VPS13B: variants seen among roughly 807,000 people sequenced by gnomAD.
VPS13B encodes the protein vacuolar protein sorting 13 homolog B, also known as intermembrane lipid transfer protein VPS13B.
VPS13B carries 285 observed loss-of-function variants against 426.4 expected under a neutral mutation model. The observed-to-expected ratio is 0.67, with a 90% CI of 0.61 to 0.74. The LOEUF (loss-of-function observed/expected upper bound fraction) is 0.74, where lower values mean the gene tolerates loss of function less well. VPS13B is among the 30% of genes least tolerant of loss of function. The probability of loss-of-function intolerance (pLI) is 0.00; values close to 1 mark genes in which losing one functional copy is unlikely to be tolerated. For missense variants in VPS13B, 4,537 were observed against 4,782.6 expected, an observed-to-expected ratio of 0.95 and a Z score of 1.51; for synonymous variants, 1,676 against 1,676.4, an observed-to-expected ratio of 1.00 and a Z score of 0.01.
At chr8:99,232,218 CAGAG>C (rs554437361) in intron 17 of VPS13B, among the ~76,000 whole-genome samples, 3 of 151,900 alleles carry the variant, frequency 2.0e-5, no homozygotes, top group African/African-American at 4.8e-5. Context: ...GAGAGATAAA[CAGAG>C]AGAGAGATAG....
At chr8:99,387,670 T>C (rs897032891) in intron 20 of VPS13B, among the ~76,000 whole-genome samples, 2 of 152,128 alleles carry the variant, frequency 1.3e-5, no homozygotes, top group African/African-American at 4.8e-5. Flanking sequence ...ATCGAGAGAA[T>C]TGCATAGTTG....
At chr8:99,611,635 A>G (rs1441040456) in intron 33 of VPS13B, among the ~76,000 whole-genome samples, 1 of 151,864 alleles carries the variant, frequency 6.6e-6, no homozygotes, top group African/African-American at 2.4e-5. Flanking sequence ...TAATTTCACT[A>G]CCCTAAAACA....
intron 19 of VPS13B, among the ~76,000 whole-genome samples, chr8:99,382,503 T>C (rs997022763): frequency 6.6e-6 from 1 of 151,892 alleles, no homozygotes; most frequent in African/African-American, 2.4e-5. Context: ...TTTGAGCATG[T>C]TTTATAGTTC....
chr8:99,286,053 A>C (rs891277204), intron 19 of VPS13B, among the ~76,000 whole-genome samples: 11 of 151,808 alleles, frequency 7.2e-5, no homozygotes, highest in Admixed American at 5.9e-4. Flanking sequence ...TTCCCAATTA[A>C]TTACTCCCTT....
At chr8:99,319,027 G>A (rs528075454) in intron 19 of VPS13B, among the ~76,000 whole-genome samples, 1 of 152,090 alleles carries the variant, frequency 6.6e-6, no homozygotes, top group Non-Finnish European at 1.5e-5. Flanking sequence ...ATTCATAATT[G>A]TACTTTCCTA....
At chr8:99,168,226 A>C (rs1041482263) in intron 15 of VPS13B, among the ~76,000 whole-genome samples, 1 of 152,108 alleles carries the variant, frequency 6.6e-6, no homozygotes, top group Non-Finnish European at 1.5e-5. Flanking sequence ...TCTTAGAAGC[A>C]TCTCTAGGCA....
chr8:99,757,032 A>G (rs1173701076), intron 39 of VPS13B, among the ~76,000 whole-genome samples: 1 of 152,154 alleles, frequency 6.6e-6, no homozygotes, highest in East Asian at 1.9e-4. Flanking sequence ...AAATCTGTAA[A>G]TTTGTATCTT....
At chr8:99,679,735 T>G (rs1019718337) in intron 35 of VPS13B, among the ~76,000 whole-genome samples, 1 of 152,140 alleles carries the variant, frequency 6.6e-6, no homozygotes, top group Non-Finnish European at 1.5e-5. Flanking sequence ...GAAAGCACAT[T>G]AATCTCATTG....
At chr8:99,726,495 C>T (rs1833354562) in intron 39 of VPS13B, among the ~76,000 whole-genome samples, 1 of 152,118 alleles carries the variant, frequency 6.6e-6, no homozygotes, top group African/African-American at 2.4e-5. Flanking sequence ...ATACTCAATC[C>T]ATTTTTTGGT....
intron 54 of VPS13B, among the ~76,000 whole-genome samples, chr8:99,842,201 G>C (rs1181008376): frequency 1.3e-5 from 2 of 152,048 alleles, no homozygotes; most frequent in Admixed American, 1.3e-4. Flanking sequence ...ATGACTTTTA[G>C]CCCAAAGTCA....
At chr8:99,729,259 A>G (rs76473440) in intron 39 of VPS13B, among the ~76,000 whole-genome samples, 2,353 of 152,200 alleles carry the variant, frequency 0.015, 57 homozygotes, top group African/African-American at 0.052. Flanking sequence ...TATTGGGCAA[A>G]CTCATGGTTT....
chr8:99,542,451 G>A (rs1563786617), intron 30 of VPS13B, among the ~76,000 whole-genome samples: 2 of 152,268 alleles, frequency 1.3e-5, no homozygotes, highest in East Asian at 3.9e-4. Flanking sequence ...AAATAGGCCA[G>A]GTAGAGGAAA....
intron 17 of VPS13B, among the ~76,000 whole-genome samples, chr8:99,229,407 G>C (rs1816197714): frequency 6.6e-6 from 1 of 152,200 alleles, no homozygotes; most frequent in African/African-American, 2.4e-5. Flanking sequence ...CATGCTCCTT[G>C]TAGCCAGGCA....
intron 19 of VPS13B, among the ~76,000 whole-genome samples, chr8:99,288,759 A>G (rs1033722219): frequency 1.3e-5 from 2 of 152,122 alleles, no homozygotes; most frequent in Admixed American, 6.6e-5. Flanking sequence ...GAATTTTATC[A>G]TTAGTCAACT....
intron 17 of VPS13B, among the ~76,000 whole-genome samples, chr8:99,216,796 G>C (rs1008036636): frequency 6.6e-6 from 1 of 151,704 alleles, no homozygotes; most frequent in African/African-American, 2.4e-5. Flanking sequence ...AATTGTTTTT[G>C]GATATATTGA....
intron 14 of VPS13B, among the ~76,000 whole-genome samples, chr8:99,150,379 G>A (rs1003518039): frequency 2.0e-5 from 3 of 152,144 alleles, no homozygotes; most frequent in African/African-American, 7.2e-5. Context: ...TGATGAACCT[G>A]TATTGACACA....
intron 19 of VPS13B, among the ~76,000 whole-genome samples, chr8:99,350,809 A>T (rs1197407306): frequency 6.6e-6 from 1 of 151,558 alleles, no homozygotes; most frequent in Non-Finnish European, 1.5e-5. Context: ...TATATATAAT[A>T]TGCAATATGA....
intron 17 of VPS13B, among the ~76,000 whole-genome samples, chr8:99,219,630 G>A (rs1815587060): frequency 1.3e-5 from 2 of 152,204 alleles, no homozygotes; most frequent in Non-Finnish European, 2.9e-5. Context: ...AAGAGAGTGA[G>A]TGAGTGTGTG....
chr8:99,574,196 T>C (rs1214446051), intron 31 of VPS13B, among the ~76,000 whole-genome samples: 1 of 152,190 alleles, frequency 6.6e-6, no homozygotes, highest in Non-Finnish European at 1.5e-5. Flanking sequence ...TAAGGAAATT[T>C]TGGGCTGAGA....
Sources: gnomAD v4.1 joint callset for allele counts (sites outside exome capture counted in the v4.1 genomes callset) on GRCh38, gnomAD v4.1.1 for gene constraint, MANE v1.5 for transcripts, NCBI Gene and HGNC (gene_info 2026-07-23, HGNC 2026-07-21) for gene names.